Variants in FHIT observed in about 807,000 individuals in gnomAD.
FHIT encodes the protein bis(5'-adenosyl)-triphosphatase.
Under a neutral mutation model 17.9 loss-of-function variants are expected in FHIT, and 19 were observed. That is an observed-to-expected ratio of 1.06 (90% CI 0.74 to 1.56). The LOEUF is 1.56. Among genes scored for constraint, FHIT ranks in the 40% most tolerant of loss-of-function variants. The pLI, the probability that FHIT is intolerant of heterozygous loss-of-function variation, is 0.00. For missense variants in FHIT, 248 were observed against 189.2 expected (o/e 1.31, Z -1.82); for synonymous variants, 81 against 69.7 (o/e 1.16, Z -0.81).
chr3:60,948,130 T>G (rs1562523), intron 3 of FHIT, among the ~76,000 whole-genome samples: 89,633 of 151,910 alleles, frequency 0.59, 26,773 homozygotes, highest in African/African-American at 0.66. Context: ...TTTTCCTTAA[T>G]TGTCCTCACT....
intron 8 of FHIT, among the ~76,000 whole-genome samples, chr3:59,838,109 C>G (rs1320682937): frequency 6.6e-6 from 1 of 152,146 alleles, no homozygotes; most frequent in African/African-American, 2.4e-5. Flanking sequence ...CTGTCCCACT[C>G]CTGCTTTTGA....
chr3:59,958,140 A>G (rs1201304314), intron 7 of FHIT, among the ~76,000 whole-genome samples: 1 of 152,224 alleles, frequency 6.6e-6, no homozygotes, highest in Non-Finnish European at 1.5e-5. Flanking sequence ...GCCCTTCTCT[A>G]GCTGGAACAT....
chr3:60,261,056 T>C (rs1310584626), intron 5 of FHIT, among the ~76,000 whole-genome samples: 1 of 152,066 alleles, frequency 6.6e-6, no homozygotes, highest in Non-Finnish European at 1.5e-5. Context: ...CAGCATCTAA[T>C]CAAGAAATAA....
intron 1 of FHIT, among the ~76,000 whole-genome samples, chr3:61,208,369 T>G (rs958067002): frequency 9.9e-5 from 15 of 152,118 alleles, no homozygotes; most frequent in Non-Finnish European, 2.1e-4. Context: ...CTGGATATCC[T>G]TGTTAACTTT....
chr3:60,000,812 G>C (rs530250609), intron 7 of FHIT, among the ~76,000 whole-genome samples: 13 of 152,058 alleles, frequency 8.5e-5, no homozygotes, highest in Non-Finnish European at 4.4e-5. Flanking sequence ...CCTTACCACA[G>C]CATAAGTCCC....
intron 5 of FHIT, among the ~76,000 whole-genome samples, chr3:60,062,825 G>C (rs1479057052): frequency 1.3e-5 from 2 of 152,168 alleles, no homozygotes; most frequent in African/African-American, 4.8e-5. Context: ...ATTTGCAGGA[G>C]AGTCATGTTC....
intron 5 of FHIT, among the ~76,000 whole-genome samples, chr3:60,478,692 C>G (rs555223986): frequency 6.6e-6 from 1 of 152,280 alleles, no homozygotes; most frequent in African/African-American, 2.4e-5. Flanking sequence ...CTTTTTCTCC[C>G]ACTATATTGC....
At chr3:60,373,027 TG>T (rs1700398345) in intron 5 of FHIT, among the ~76,000 whole-genome samples, 1 of 139,616 alleles carries the variant, frequency 7.2e-6, no homozygotes, top group Non-Finnish European at 1.7e-5. Flanking sequence ...TAAAATCATA[TG>T]AAATTTATTT....
intron 5 of FHIT, among the ~76,000 whole-genome samples, chr3:60,305,281 G>A (rs1576449453): frequency 6.6e-6 from 1 of 152,012 alleles, no homozygotes; most frequent in East Asian, 1.9e-4. Context: ...CCAGTAAAGT[G>A]AATAAAAAAT....
intron 5 of FHIT, among the ~76,000 whole-genome samples, chr3:60,150,586 C>T (rs1700423209): frequency 3.3e-5 from 5 of 151,576 alleles, no homozygotes; most frequent in South Asian, 2.1e-4. Flanking sequence ...TCTCGAAAGT[C>T]GCTGAGACTA....
chr3:59,998,331 G>A (rs915298222), intron 7 of FHIT, among the ~76,000 whole-genome samples: 2 of 151,960 alleles, frequency 1.3e-5, no homozygotes, highest in Non-Finnish European at 1.5e-5. Flanking sequence ...CCGACTTCAG[G>A]TTAGATCTTC....
intron 3 of FHIT, among the ~76,000 whole-genome samples, chr3:60,965,442 C>T (rs1553782940): frequency 6.6e-6 from 1 of 152,216 alleles, no homozygotes; most frequent in Non-Finnish European, 1.5e-5. Context: ...CTCAACTTGT[C>T]AAAGTCATTC....
chr3:60,445,865 G>T (rs1354310718), intron 5 of FHIT, among the ~76,000 whole-genome samples: 1 of 151,836 alleles, frequency 6.6e-6, no homozygotes, highest in East Asian at 1.9e-4. Flanking sequence ...TATGCAGAGA[G>T]AAAATGTGAA....
At chr3:60,056,374 A>AG (rs1026333395) in intron 5 of FHIT, among the ~76,000 whole-genome samples, 59 of 152,244 alleles carry the variant, frequency 3.9e-4, no homozygotes, top group African/African-American at 1.4e-3. Context: ...TATATTGGGG[A>AG]GGGGGGAAGA....
At chr3:60,364,819 G>A (rs1173222525) in intron 5 of FHIT, among the ~76,000 whole-genome samples, 5 of 152,090 alleles carry the variant, frequency 3.3e-5, no homozygotes, top group Non-Finnish European at 7.4e-5. Context: ...AGAACAAAAA[G>A]GTAGAGGAAG....
chr3:60,140,323 C>T (rs568228067), intron 5 of FHIT, among the ~76,000 whole-genome samples: 2 of 152,242 alleles, frequency 1.3e-5, no homozygotes, highest in South Asian at 2.1e-4. Flanking sequence ...AAGAAATTCA[C>T]ATGAGGGGTA....
At chr3:60,631,249 A>T (rs2039434052) in intron 4 of FHIT, among the ~76,000 whole-genome samples, 1 of 152,286 alleles carries the variant, frequency 6.6e-6, no homozygotes, top group Non-Finnish European at 1.5e-5. Flanking sequence ...GAGGTATAAT[A>T]TCATTTTGAT....
chr3:60,369,810 A>G (rs112782584), intron 5 of FHIT, among the ~76,000 whole-genome samples: 1 of 152,034 alleles, frequency 6.6e-6, no homozygotes. Flanking sequence ...GGCACCCTCT[A>G]CTGTGTCTTA....
intron 2 of FHIT, among the ~76,000 whole-genome samples, chr3:61,161,663 G>GCATTTCTAATGCATTATTCTACT (rs1388413894): frequency 6.6e-6 from 1 of 152,086 alleles, no homozygotes; most frequent in Admixed American, 6.5e-5. Flanking sequence ...TTATTCTACT[G>GCATTTCTAATGCATTATTCTACT]GCCAGCGTTC....
Sources: allele counts gnomAD v4.1 joint callset (sites outside exome capture counted in the v4.1 genomes callset), GRCh38; gene constraint gnomAD v4.1.1; transcripts MANE v1.5; gene names NCBI Gene and HGNC (gene_info 2026-07-23, HGNC 2026-07-21).